The following EPB41L4A variants were observed in gnomAD, a reference collection of about 807,000 sequenced individuals.
The protein encoded by EPB41L4A is band 4.1-like protein 4A.
Under a neutral mutation model 108.6 loss-of-function variants are expected in EPB41L4A, and 100 were observed. The ratio of observed to expected loss-of-function variants is 0.92; its 90% CI spans 0.78 to 1.09. The LOEUF (loss-of-function observed/expected upper bound fraction) is 1.09. EPB41L4A is among the 50% of genes least tolerant of loss of function. EPB41L4A has a pLI of 0.00. For synonymous variants in EPB41L4A, 319 were observed against 289.0 expected (o/e 1.10, Z -1.05); for missense variants, 1,030 against 842.7 (o/e 1.22, Z -2.75).
intron 2 of EPB41L4A, among the ~76,000 whole-genome samples, chr5:112,284,351 A>G (rs17134319): frequency 0.12 from 18,050 of 152,160 alleles, 1,163 homozygotes; most frequent in Non-Finnish European, 0.15. Context: ...GCTGTGCTGC[A>G]TCTTATTTCA....
At chr5:112,264,622 C>T (rs556844890) in intron 6 of EPB41L4A, 12 of 232,290 alleles carry the variant, frequency 5.2e-5, no homozygotes, top group Admixed American at 1.7e-4. Context: ...CAAATTTTCT[C>T]TGGGAAATTG....
At chr5:112,245,279 T>G (rs1327781816) in intron 9 of EPB41L4A, among the ~76,000 whole-genome samples, 6 of 152,114 alleles carry the variant, frequency 3.9e-5, no homozygotes, top group Non-Finnish European at 4.4e-5. Context: ...CAAACCAAAC[T>G]CAAGTCTCAA....
intron 13 of EPB41L4A, among the ~76,000 whole-genome samples, 154 bp from the exon 14 acceptor site, chr5:112,205,658 C>T (rs186429254): frequency 1.8e-4 from 28 of 152,266 alleles, no homozygotes; most frequent in African/African-American, 6.3e-4. Context: ...AACATGAAGT[C>T]GCTGCCCATA....
intron 1 of EPB41L4A, among the ~76,000 whole-genome samples, chr5:112,310,426 A>G (rs1038993757): frequency 3.9e-5 from 6 of 152,196 alleles, no homozygotes; most frequent in Admixed American, 6.5e-5. Context: ...AAGAATAACT[A>G]GTAGTTTTGA....
At chr5:112,259,797 A>AT (rs1157700217) in intron 8 of EPB41L4A, 94 bp downstream of exon 8, 1 of 874,210 alleles carries the variant, frequency 1.1e-6, no homozygotes, top group Non-Finnish European at 1.9e-6. Flanking sequence ...CACTGGAAAT[A>AT]TACCTGTTTT....
intron 1 of EPB41L4A, among the ~76,000 whole-genome samples, chr5:112,316,514 G>A (rs1755440160): frequency 6.6e-6 from 1 of 152,064 alleles, no homozygotes; most frequent in South Asian, 2.1e-4. Context: ...CACCCCCATT[G>A]TCTGGCCCCC....
chr5:112,291,192 G>A (rs566456051), intron 2 of EPB41L4A, among the ~76,000 whole-genome samples: 250 of 152,240 alleles, frequency 1.6e-3, no homozygotes, highest in Admixed American at 4.6e-3. Context: ...GCCTACAAAA[G>A]CCTGCTGGGC....
intron 12 of EPB41L4A, among the ~76,000 whole-genome samples, chr5:112,152,775 C>G (rs1240414386): frequency 6.6e-6 from 1 of 151,644 alleles, no homozygotes; most frequent in African/African-American, 2.4e-5. Context: ...CTAATACACA[C>G]CAATAAAAGT....
intron 12 of EPB41L4A, among the ~76,000 whole-genome samples, chr5:112,221,843 G>T (rs935475772): frequency 2.6e-5 from 4 of 152,120 alleles, no homozygotes; most frequent in Non-Finnish European, 1.5e-5. Context: ...GCTATGTTTG[G>T]AATGCTAAAC....
chr5:112,372,453 A>T (rs1370521206), intron 1 of EPB41L4A, among the ~76,000 whole-genome samples: 2 of 152,208 alleles, frequency 1.3e-5, no homozygotes, highest in Admixed American at 6.5e-5. Flanking sequence ...ATCAGGAAGG[A>T]AATAAGCAAA....
At chr5:112,167,816 G>C (rs1296736275) in intron 22 of EPB41L4A, among the ~76,000 whole-genome samples, 2 of 152,100 alleles carry the variant, frequency 1.3e-5, no homozygotes, top group Non-Finnish European at 2.9e-5. Flanking sequence ...ACCTAAATTA[G>C]CACAGGCCTT....
At chr5:112,397,381 C>A (rs1370456773) in intron 1 of EPB41L4A, among the ~76,000 whole-genome samples, 4 of 152,130 alleles carry the variant, frequency 2.6e-5, no homozygotes, top group Non-Finnish European at 4.4e-5. Flanking sequence ...TCATATTATA[C>A]ATGTATTACG....
intron 6 of EPB41L4A, 97 bp downstream of exon 6, chr5:112,264,799 C>T (rs911086074): frequency 8.4e-7 from 1 of 1,197,442 alleles, no homozygotes; most frequent in Non-Finnish European, 1.2e-6. Context: ...ATTAAATGCA[C>T]AGGTGAAGAA....
intron 1 of EPB41L4A, among the ~76,000 whole-genome samples, chr5:112,359,605 ATCTCAGC>A (rs894938262): frequency 6.6e-6 from 1 of 150,816 alleles, no homozygotes; most frequent in African/African-American, 2.4e-5. Context: ...CAGTGGCGCG[ATCTCAGC>A]TCACTGCCAG....
At chr5:112,257,975 A>G (rs969033318) in intron 9 of EPB41L4A, among the ~76,000 whole-genome samples, 1 of 152,236 alleles carries the variant, frequency 6.6e-6, no homozygotes, top group South Asian at 2.1e-4. Flanking sequence ...ATGTCTAATC[A>G]GGAGCTGAAG....
At chr5:112,343,834 G>C (rs1027439600) in intron 1 of EPB41L4A, among the ~76,000 whole-genome samples, 1 of 152,160 alleles carries the variant, frequency 6.6e-6, no homozygotes, top group African/African-American at 2.4e-5. Flanking sequence ...TTTATATTCT[G>C]ATTCAAACTA....
rs561177697 is a variant in EPB41L4A, at chr5:112,228,765, C to T, written c.1087+5869G>A. 5.1e-6 allele frequency: 5 copies of T among 985,300 alleles called. No individual in the cohort carries two copies. In the East Asian group the frequency reaches 3.4e-4, roughly 67 times the overall value. The allele number at this position is 985,300 out of a possible 1,614,324, so 61.0% of individuals were successfully genotyped here. On this transcript the variant is annotated intron_variant, in intron 12 of 22. Transcript: ENST00000261486. The stretch of plus-strand genomic sequence containing the variant: ...TGTAACAGGAGGGCACTTTTTCCTC[C>T]TGCCGTCCCTTTTCTGGCTTTACCC...
At chr5:112,153,578 G>T (rs7727119) in intron 12 of EPB41L4A, among the ~76,000 whole-genome samples, 104,650 of 136,570 alleles carry the variant, frequency 0.77, 40,177 homozygotes, top group East Asian at 0.99. Flanking sequence ...TATATATATA[G>T]AGAGAGAGAG....
intron 2 of EPB41L4A, among the ~76,000 whole-genome samples, chr5:112,298,716 T>C (rs1384225695): frequency 6.6e-6 from 1 of 152,196 alleles, no homozygotes; most frequent in Admixed American, 6.5e-5. Flanking sequence ...AATGTCAATA[T>C]GATTGGTATT....
Sources: allele counts gnomAD v4.1 joint callset (sites outside exome capture counted in the v4.1 genomes callset), GRCh38; gene constraint gnomAD v4.1.1; transcripts MANE v1.5; gene names NCBI Gene and HGNC (gene_info 2026-07-23, HGNC 2026-07-21).